The following TRANK1 variants were observed in gnomAD, a reference collection of about 807,000 sequenced individuals.
TRANK1 encodes tetratricopeptide repeat and ankyrin repeat containing 1, also known as TPR and ankyrin repeat-containing protein 1.
A neutral mutation model predicts 266.0 loss-of-function variants in TRANK1; 198 were observed. That is an observed-to-expected ratio of 0.74 (90% CI 0.66 to 0.84). TRANK1 has a LOEUF of 0.84. Among genes scored for constraint, TRANK1 ranks in the 40% least tolerant of loss-of-function variants. The probability of loss-of-function intolerance (pLI) is 0.00; values close to 1 mark genes in which losing one functional copy is unlikely to be tolerated. For synonymous variants in TRANK1, 1,396 were observed against 1,384.1 expected, an observed-to-expected ratio of 1.01 and a Z score of -0.19; for missense variants, 3,326 against 3,634.6, an observed-to-expected ratio of 0.92 and a Z score of 2.18.
rs746944166 is a variant in TRANK1, at chr3:36,855,508, T to C, written c.4214A>G (p.Lys1405Arg). ...AACATCCTCTTCATCAAAATAACCTTTCTGGGACCTGATTTGCTGATACAG... is the reference window on the plus strand; with the variant it reads ...AACATCCTCTTCATCAAAATAACCTCTCTGGGACCTGATTTGCTGATACAG... ...FSLYQQIRSQ[K>R]GYFDEEDVLY... Residue 1405 changes from lysine to arginine, a missense_variant, in exon 13 of 24, where the codon AAA becomes AGA. By Grantham distance (26) the Lys-to-Arg change is conservative. Coordinates refer to ENST00000645898, the MANE Select transcript of TRANK1 (RefSeq NM_001329998.2). 2.5e-6 allele frequency: 4 copies of C among 1,613,870 alleles called. No individual in the cohort carries two copies. Among genetic ancestry groups the C allele is most frequent in the Non-Finnish European group, 3.4e-6 (4 of 1,179,870 alleles).
rs1165370245 is a variant in TRANK1 at position 36,879,627 on chromosome 3, AAT to A, written c.908-5333_908-5332del. Among the ~76,000 whole-genome samples, 69 of 72,758 alleles carry A rather than the reference AAT, an allele frequency of 9.5e-4. 12 individuals carry two copies. Among genetic ancestry groups the A allele is most frequent in the Middle Eastern group, 7.8e-3 (1 of 128 alleles). 47.7% of individuals were successfully genotyped at this position (72,758 alleles called of 152,430 possible). A position where few individuals can be genotyped will look rare whatever the true frequency, so the allele number is the denominator to read the frequency against. On this transcript the variant is annotated intron_variant, in intron 8 of 23. Transcript: ENST00000645898. ...ATATATAAATATACAAATATATATA[AAT>A]ATATATAAATATACAAATATATATA...
chr3:36,879,903 TAAACATGC>T lies in TRANK1; in HGVS notation c.908-5615_908-5608del, dbSNP rs1559449298. On this transcript the variant is annotated intron_variant, in intron 8 of 23. Transcript: ENST00000645898. ...ATATATGTAAACATGCAAATATATG[TAAACATGC>T]AAATATATGTAAACATGCAAATATA... Among the ~76,000 whole-genome samples, 601 of 78,914 alleles carry T rather than the reference TAAACATGC, an allele frequency of 7.6e-3. 114 individuals carry two copies. The highest frequency in any genetic ancestry group is 0.01 in the African/African-American group (156 of 15,370). 51.8% of individuals were successfully genotyped at this position (78,914 alleles called of 152,430 possible).
intron 8 of TRANK1, among the ~76,000 whole-genome samples, chr3:36,884,795 T>C (rs1057235242): frequency 1.3e-5 from 2 of 152,044 alleles, no homozygotes; most frequent in African/African-American, 4.8e-5. Flanking sequence ...TAGCTGAGCA[T>C]GGTGGCACAC....
intron 1 of TRANK1, among the ~76,000 whole-genome samples, chr3:36,938,619 T>C (rs1287563402): frequency 6.6e-6 from 1 of 152,130 alleles, no homozygotes; most frequent in African/African-American, 2.4e-5. Flanking sequence ...GGCTGAAAGA[T>C]GTATTTATCC....
At chr3:36,838,738 A>T in intron 18 of TRANK1, 22 bp from the exon 19 acceptor site, 1 of 1,604,882 alleles carries the variant, frequency 6.2e-7, no homozygotes, top group Non-Finnish European at 8.5e-7. Context: ...AAAAAGTTTT[A>T]TTCCCAGCAA....
upstream of TRANK1, among the ~76,000 whole-genome samples, chr3:36,945,714 TCTTCACAG>T (rs1208234028): frequency 6.6e-6 from 1 of 152,074 alleles, no homozygotes; most frequent in Non-Finnish European, 1.5e-5. Flanking sequence ...GCCGGTTTGG[TCTTCACAG>T]CTTCTCTGGG....
chr3:36,943,205 G>T (rs2080521516), intron 1 of TRANK1, among the ~76,000 whole-genome samples: 1 of 151,092 alleles, frequency 6.6e-6, no homozygotes, highest in South Asian at 2.1e-4. Flanking sequence ...GGGGGTGGGG[G>T]GAGGGAATAG....
intron 9 of TRANK1, among the ~76,000 whole-genome samples, chr3:36,868,190 A>G (rs1002836120): frequency 6.6e-6 from 1 of 152,224 alleles, no homozygotes; most frequent in African/African-American, 2.4e-5. Flanking sequence ...TATAGCTCAC[A>G]TTTATTTCCA....
At chr3:36,938,828 C>T (rs895813367) in intron 1 of TRANK1, among the ~76,000 whole-genome samples, 4 of 151,836 alleles carry the variant, frequency 2.6e-5, no homozygotes, top group South Asian at 2.1e-4. Context: ...AGGGTGGTGG[C>T]GCGTGCCTAT....
At position 36,918,606 on chromosome 3, in the gene TRANK1, G is replaced by GGAAGGAAGGAAAGAAA. The variant is rs1553630565; in HGVS notation, c.24-10153_24-10152insTTTCTTTCCTTCCTTC. 3.2e-4 allele frequency among the ~76,000 whole-genome samples: 7 copies of GGAAGGAAGGAAAGAAA among 22,136 alleles called. 1 individual carries two copies. Among genetic ancestry groups the GGAAGGAAGGAAAGAAA allele is most frequent in the South Asian group, 3.9e-3 (2 of 510 alleles). The allele number at this position is 22,136 out of a possible 152,430, so 14.5% of individuals were successfully genotyped here. A position where few individuals can be genotyped will look rare whatever the true frequency, so the allele number is the denominator to read the frequency against. ...AGGAAGGAAGGAAGGAAGGAAGGAA[G>GGAAGGAAGGAAAGAAA]GAAAGAAAGAAAGAAAGAAAGAAAG... On this transcript the variant is annotated intron_variant, in intron 1 of 23. Coordinates refer to ENST00000645898, the MANE Select transcript of TRANK1 (RefSeq NM_001329998.2).
intron 8 of TRANK1, 135 bp from the exon 9 acceptor site, chr3:36,874,431 G>T: frequency 1.1e-6 from 1 of 908,942 alleles, no homozygotes; most frequent in Non-Finnish European, 1.6e-6. Context: ...TGTGGAGCCT[G>T]CACTGCTAGC....
In TRANK1 at chr3:36,831,814, C is replaced by A. The variant is rs375887057; in HGVS notation, c.7769G>T (p.Arg2590Leu). ...GAGCTGCAGCCTTGACTCAATCTCC[C>A]GGAAGTGGCGATACAGGAGAGGCTT... ...YCKPLLYRHF[R>L]EIESRLQLMS... is the part of the protein sequence containing the mutation. The change falls in exon 22 of 24, where the codon CGG becomes CTG. Residue 2590 changes from arginine (R) to leucine (L), a missense_variant. By Grantham distance (102) the Arg-to-Leu change is moderately radical. Transcript: ENST00000645898. This position sits in a 1 kb window ranked among gnomAD's most constrained non-coding sequence, Gnocchi z 5.0. 1.2e-6 allele frequency: 2 copies of A among 1,613,950 alleles called. No individual in the cohort carries two copies.
At chr3:36,842,917 C>T (rs2078867398) in intron 17 of TRANK1, among the ~76,000 whole-genome samples, 1 of 152,086 alleles carries the variant, frequency 6.6e-6, no homozygotes, top group Non-Finnish European at 1.5e-5. Context: ...TTAGGATGGC[C>T]CCTCATCCAA....
At chr3:36,834,102 T>C (rs531610316) in intron 21 of TRANK1, among the ~76,000 whole-genome samples, 183 bp from the exon 22 acceptor site, 179 of 152,366 alleles carry the variant, frequency 1.2e-3, no homozygotes, top group South Asian at 2.5e-3. Context: ...GTTACCAGTA[T>C]AATAATAATG....
At chr3:36,887,320 T>G (rs142503839) in intron 8 of TRANK1, among the ~76,000 whole-genome samples, 6 of 152,288 alleles carry the variant, frequency 3.9e-5, no homozygotes, top group African/African-American at 1.4e-4. Context: ...TTGATAAAAA[T>G]TCAAATAAAA....
rs781311749 is a variant in TRANK1 at position 36,856,405 on chromosome 3, C to T, written c.3317G>A (p.Ser1106Asn). 4 of 1,609,680 alleles carry T rather than the reference C, an allele frequency of 2.5e-6. No individual in the cohort carries two copies. The highest frequency in any genetic ancestry group is 3.4e-5 in the Admixed American group (2 of 58,922). Residue 1106 changes from serine to asparagine, a missense_variant, in exon 13 of 24, where the codon AGC becomes AAC. Ser to Asn is a conservative substitution (Grantham distance 46, BLOSUM62 1). Transcript: ENST00000645898. ...VYWEKAEQAG[S>N]PLLAKQVWLK... ...CCAGACCTGTTTGGCCAGCAATGGG[C>T]TTCCTGCCTGCTCAGCTTTTTCCCA...
intron 1 of TRANK1, among the ~76,000 whole-genome samples, chr3:36,926,309 C>A (rs2080287607): frequency 6.6e-6 from 1 of 152,206 alleles, no homozygotes; most frequent in Admixed American, 6.5e-5. Context: ...AGGTTGCTAA[C>A]ATAACACACA....
At chr3:36,828,779 T>G (rs776659288) in intron 23 of TRANK1, among the ~76,000 whole-genome samples, 8 of 152,190 alleles carry the variant, frequency 5.3e-5, no homozygotes, top group Non-Finnish European at 1.2e-4. Context: ...TACACTTGAA[T>G]TGGTATACCA....
chr3:36,835,294 G>A (rs2078754578), intron 20 of TRANK1, among the ~76,000 whole-genome samples: 1 of 132,096 alleles, frequency 7.6e-6, no homozygotes, highest in African/African-American at 2.9e-5. Context: ...ACTCCAGCCT[G>A]GGCGACAGAG....
Sources: gnomAD v4.1 joint callset for allele counts (sites outside exome capture counted in the v4.1 genomes callset) on GRCh38, gnomAD v4.1.1 for gene constraint, Gnocchi (gnomAD v3.1) non-coding constraint, MANE v1.5 for transcripts, NCBI Gene and HGNC (gene_info 2026-07-23, HGNC 2026-07-21) for gene names.